KCNMA1: variants seen among roughly 807,000 people sequenced by gnomAD.
The protein encoded by KCNMA1 is Calcium-activated potassium channel subunit alpha-1.
Under a neutral mutation model 140.0 loss-of-function variants are expected in KCNMA1, and 29 were observed. That is an observed-to-expected ratio of 0.21 (90% CI 0.15 to 0.28). The LOEUF (loss-of-function observed/expected upper bound fraction) is 0.28, where lower values mean the gene tolerates loss of function less well. Among genes scored for constraint, KCNMA1 ranks in the 10% least tolerant of loss-of-function variants. KCNMA1 has a pLI of 1.00. For synonymous variants in KCNMA1, 612 were observed against 611.9 expected, an observed-to-expected ratio of 1.00 and a Z score of 0.00; for missense variants, 880 against 1,602.2, an observed-to-expected ratio of 0.55 and a Z score of 7.70.
chr10:77,070,776 C>T (rs909057857), intron 14 of KCNMA1, among the ~76,000 whole-genome samples: 3 of 152,186 alleles, frequency 2.0e-5, no homozygotes, highest in Non-Finnish European at 4.4e-5. Flanking sequence ...ATGGTGTTCA[C>T]CATGACCTAA....
intron 2 of KCNMA1, among the ~76,000 whole-genome samples, chr10:77,375,484 C>T (rs1391233836): frequency 6.6e-6 from 1 of 152,168 alleles, no homozygotes; most frequent in Non-Finnish European, 1.5e-5. Flanking sequence ...CTGGTGCCTG[C>T]CTGGGGCTAC....
intron 3 of KCNMA1, among the ~76,000 whole-genome samples, chr10:77,220,747 TA>T (rs2049345475): frequency 6.7e-6 from 1 of 148,950 alleles, no homozygotes; most frequent in Non-Finnish European, 1.5e-5. Context: ...CCCTTAGCCA[TA>T]TATTCCAGTT....
downstream of KCNMA1, chr10:76,877,717 A>T: frequency 6.5e-7 from 1 of 1,548,796 alleles, no homozygotes; most frequent in Non-Finnish European, 8.7e-7. Context: ...GCTTTAAAAA[A>T]ATAGTTCTGG....
chr10:77,145,793 T>C (rs190590530), intron 5 of KCNMA1, among the ~76,000 whole-genome samples: 108 of 152,290 alleles, frequency 7.1e-4, no homozygotes, highest in African/African-American at 2.5e-3. Flanking sequence ...GAGTACCTAT[T>C]TAGAAAAGAG....
At chr10:77,079,793 G>A (rs1024315038) in intron 12 of KCNMA1, 1 of 560,754 alleles carries the variant, frequency 1.8e-6, no homozygotes, top group Non-Finnish European at 3.2e-6. Context: ...CATTGCCATG[G>A]CAACACCCAG....
chr10:77,389,923 G>C (rs1292616073), intron 2 of KCNMA1, among the ~76,000 whole-genome samples: 1 of 152,174 alleles, frequency 6.6e-6, no homozygotes, highest in African/African-American at 2.4e-5. Context: ...CAAAACCATG[G>C]GAGAGCCATG....
At chr10:77,585,334 T>A (rs1204699299) in intron 1 of KCNMA1, among the ~76,000 whole-genome samples, 1 of 152,232 alleles carries the variant, frequency 6.6e-6, no homozygotes, top group Non-Finnish European at 1.5e-5. Context: ...TTCTCTCATA[T>A]GAGGACAAGC....
At chr10:77,349,019 A>G (rs1393616303) in intron 2 of KCNMA1, among the ~76,000 whole-genome samples, 1 of 152,224 alleles carries the variant, frequency 6.6e-6, no homozygotes, top group Non-Finnish European at 1.5e-5. Context: ...TGGACTTTGA[A>G]GATGAGTCCC....
At position 76,886,785 on chromosome 10, in the gene KCNMA1, T is replaced by A. The variant is rs2037178273; in HGVS notation, c.*481A>T. 1.4e-5 allele frequency: 14 copies of A among 1,028,908 alleles called. No individual in the cohort carries two copies. The highest frequency in any genetic ancestry group is 1.5e-5 in the Non-Finnish European group (13 of 855,576). 63.7% of individuals were successfully genotyped at this position (1,028,908 alleles called of 1,614,324 possible). ...ATGTTTTCATTGCTGTTTGGTTGCT[T>A]GTTTCAAATAAACATGTGCTAACTT... On this transcript the variant is annotated 3_prime_UTR_variant, in exon 28 of 28. Coordinates refer to ENST00000286628, the MANE Select transcript of KCNMA1 (RefSeq NM_001161352.2).
chr10:77,295,219 T>C (rs1251650035), intron 2 of KCNMA1, among the ~76,000 whole-genome samples: 1 of 150,744 alleles, frequency 6.6e-6, no homozygotes, highest in African/African-American at 2.4e-5. Flanking sequence ...AGGTGGTGCA[T>C]GCCTATAATC....
chr10:77,290,268 T>TA (rs1401837157), intron 2 of KCNMA1, among the ~76,000 whole-genome samples: 2 of 152,254 alleles, frequency 1.3e-5, no homozygotes, highest in Non-Finnish European at 2.9e-5. Flanking sequence ...TTTAGAGCAC[T>TA]ATTGATTATC....
chr10:77,434,738 T>C (rs2097221235), intron 1 of KCNMA1, among the ~76,000 whole-genome samples: 1 of 152,162 alleles, frequency 6.6e-6, no homozygotes, highest in African/African-American at 2.4e-5. Context: ...AGGAGTTTTT[T>C]GGCTAGTGGG....
intron 1 of KCNMA1, among the ~76,000 whole-genome samples, chr10:77,474,201 T>C (rs553719585): frequency 1.5e-4 from 23 of 152,136 alleles, no homozygotes; most frequent in Non-Finnish European, 3.2e-4. Flanking sequence ...CACGGCATGA[T>C]GTGAGAGAGA....
At chr10:77,300,926 G>T (rs1601773722) in intron 2 of KCNMA1, among the ~76,000 whole-genome samples, 1 of 152,304 alleles carries the variant, frequency 6.6e-6, no homozygotes, top group East Asian at 1.9e-4. Flanking sequence ...GCACTCGCTG[G>T]CCCCACAGGT....
At chr10:77,013,940 C>T (rs2091440065) in intron 17 of KCNMA1, among the ~76,000 whole-genome samples, 1 of 152,274 alleles carries the variant, frequency 6.6e-6, no homozygotes, top group Admixed American at 6.5e-5. Context: ...AGTTTGATTA[C>T]TTCATGAACT....
intron 1 of KCNMA1, among the ~76,000 whole-genome samples, chr10:77,433,304 C>A (rs574495203): frequency 5.3e-5 from 8 of 152,234 alleles, no homozygotes; most frequent in Middle Eastern, 3.4e-3. Context: ...AGGTGCACAC[C>A]ACCACATCTG....
intron 2 of KCNMA1, among the ~76,000 whole-genome samples, chr10:77,317,973 G>A (rs906197876): frequency 6.6e-6 from 1 of 152,160 alleles, no homozygotes; most frequent in African/African-American, 2.4e-5. Flanking sequence ...ATACTCCCAG[G>A]TGCCCCAAGT....
intron 1 of KCNMA1, among the ~76,000 whole-genome samples, chr10:77,501,153 A>G (rs957082347): frequency 6.6e-6 from 1 of 152,212 alleles, no homozygotes; most frequent in Non-Finnish European, 1.5e-5. Context: ...AAGTTGCTTA[A>G]CCTCTCTATG....
chr10:76,998,588 T>C (rs1335989017), intron 19 of KCNMA1, among the ~76,000 whole-genome samples: 1 of 152,198 alleles, frequency 6.6e-6, no homozygotes, highest in Non-Finnish European at 1.5e-5. Flanking sequence ...AGTAATCTGA[T>C]CCGCCCATCT....
Sources: allele counts gnomAD v4.1 joint callset (sites outside exome capture counted in the v4.1 genomes callset), GRCh38; gene constraint gnomAD v4.1.1; transcripts MANE v1.5; gene names NCBI Gene and HGNC (gene_info 2026-07-23, HGNC 2026-07-21).